PYY: variants seen among roughly 807,000 people sequenced by gnomAD.
PYY encodes the protein peptide YY.
PYY carries 12 observed loss-of-function variants against 10.3 expected under a neutral mutation model. The observed-to-expected ratio is 1.17, with a 90% CI of 0.75 to 1.89. The LOEUF is 1.89. Ranked by LOEUF, PYY falls within the 40% of genes most tolerant of loss-of-function variation. The probability of loss-of-function intolerance (pLI) is 0.00; values close to 1 mark genes in which losing one functional copy is unlikely to be tolerated. For missense variants in PYY, 141 were observed against 134.0 expected (o/e 1.05, Z -0.26); for synonymous variants, 66 against 62.0 (o/e 1.06, Z -0.30).
At chr17:43,963,623 A>AAAGAAAGAAAGAAAGG (rs1567927995) in intron 2 of PYY, among the ~76,000 whole-genome samples, 2 of 73,484 alleles carry the variant, frequency 2.7e-5, no homozygotes, top group African/African-American at 7.4e-5. Context: ...AGAAAGAAAG[A>AAAGAAAGAAAGAAAGG]AAGAGAAAGA....
chr17:43,999,914 C>G (rs408943), intron 1 of PYY, among the ~76,000 whole-genome samples: 140,783 of 152,272 alleles, frequency 0.92, 65,234 homozygotes, highest in East Asian at 1. Context: ...CTGTGCACCA[C>G]GACAGGAACT....
In PYY at chr17:43,965,878, G is replaced by A. The variant is rs1479131768; in HGVS notation, c.-218+410C>T. Among the ~76,000 whole-genome samples the A allele has an allele frequency of 2.9e-5, 4 of 138,106 alleles. No individual in the cohort carries two copies. The South Asian group carries it at 1.0e-3, about 36-fold the overall frequency. The allele number at this position is 138,106 out of a possible 152,430, so 90.6% of individuals were successfully genotyped here. On this transcript the variant is annotated intron_variant, in intron 2 of 6. Transcript: ENST00000360085. ...CCATTGTAAGTACAAAACAAAAAAT[G>A]ATTTTTTCCTGGCATTTCCTGTTTC... is the stretch of plus-strand genomic sequence containing the variant.
At position 44,000,915 on chromosome 17, in the gene PYY, C is replaced by G. The variant is rs1054834068; in HGVS notation, c.-463+3476G>C. 3.3e-5 allele frequency among the ~76,000 whole-genome samples: 5 copies of G among 152,182 alleles called. No individual in the cohort carries two copies. In the South Asian group the frequency reaches 1.0e-3, roughly 32 times the overall value. On this transcript the variant is annotated intron_variant, in intron 1 of 6. Transcript: ENST00000360085. The stretch of plus-strand genomic sequence containing the variant: ...GAGTGGATCTGTGTACCTCTGTACA[C>G]CTGTATGGTGTACAGGGGCATTCCT...
rs1555618108 is a variant in PYY, at chr17:43,975,725, A to AT, written c.-462-9194_-462-9193insA. Among the ~76,000 whole-genome samples, 24 of 83,748 alleles carry AT rather than the reference A, an allele frequency of 2.9e-4. 2 individuals carry two copies. Among genetic ancestry groups the AT allele is most frequent in the Non-Finnish European group, 3.6e-4 (18 of 50,236 alleles). The allele number at this position is 83,748 out of a possible 152,430, so 54.9% of individuals were successfully genotyped here. ...CAGGAGTAAGACCCTGAAAAAAAAA[A>AT]ATATATATATATATATATATACACA... On this transcript the variant is annotated intron_variant, in intron 1 of 6. Coordinates refer to the PYY transcript ENST00000360085.
intron 1 of PYY, among the ~76,000 whole-genome samples, chr17:43,970,131 T>G (rs2048781693): frequency 1.4e-5 from 2 of 139,154 alleles, no homozygotes; most frequent in Admixed American, 7.8e-5. Flanking sequence ...AACCCAGGAG[T>G]GTGAGGTTAC....
chr17:43,992,107 A>G lies in PYY; in HGVS notation c.-463+12284T>C, dbSNP rs573580051. Among the ~76,000 whole-genome samples the G allele has an allele frequency of 2.7e-3, 400 of 146,012 alleles. 4 individuals carry two copies. The highest frequency in any genetic ancestry group is 9.5e-3 in the African/African-American group (374 of 39,502). On this transcript the variant is annotated intron_variant, in intron 1 of 6. Transcript: ENST00000360085. The stretch of plus-strand genomic sequence containing the variant: ...TGCACTCCAGCCTGGGCAACAGTGC[A>G]AGACTCTGTCTCAAAGAAAAAAAAA...
upstream of PYY, among the ~76,000 whole-genome samples, chr17:43,958,302 T>G (rs573216586): frequency 2.6e-5 from 4 of 152,220 alleles, no homozygotes; most frequent in African/African-American, 9.6e-5. Context: ...TTTTTATTAT[T>G]ATTGAGCTCA....
intron 2 of PYY, among the ~76,000 whole-genome samples, chr17:43,963,570 A>AAGGAAAAG (rs1555617070): frequency 9.6e-6 from 1 of 104,648 alleles, no homozygotes; most frequent in Non-Finnish European, 1.9e-5. Context: ...GGAAGGAAGG[A>AAGGAAAAG]AAAGAAAGAA....
At chr17:43,970,211 A>G in intron 1 of PYY, among the ~76,000 whole-genome samples, 1 of 150,484 alleles carries the variant, frequency 6.6e-6, no homozygotes, top group African/African-American at 2.4e-5. Flanking sequence ...TAAAAAAAAA[A>G]AAAAAAAAAA....
At chr17:43,994,549 G>A (rs1018635211) in intron 1 of PYY, among the ~76,000 whole-genome samples, 1 of 152,164 alleles carries the variant, frequency 6.6e-6, no homozygotes, top group Non-Finnish European at 1.5e-5. Flanking sequence ...AAGTCAGCCC[G>A]AATCCAGTGA....
intron 1 of PYY, among the ~76,000 whole-genome samples, chr17:43,975,308 T>C (rs536664997): frequency 1.3e-5 from 2 of 152,260 alleles, no homozygotes; most frequent in South Asian, 2.1e-4. Context: ...TGAATCCCAC[T>C]CGCATTTCTT....
chr17:43,984,924 C>A (rs1364376416), intron 1 of PYY, among the ~76,000 whole-genome samples: 1 of 147,064 alleles, frequency 6.8e-6, no homozygotes, highest in Non-Finnish European at 1.5e-5. Context: ...TGTTTCTCTT[C>A]TAAAGTTGTA....
chr17:43,983,289 G>A (rs1302069946), intron 1 of PYY, among the ~76,000 whole-genome samples: 1 of 152,124 alleles, frequency 6.6e-6, no homozygotes, highest in Admixed American at 6.6e-5. Context: ...TGGAGTAGGA[G>A]ACAGGGACAA....
chr17:43,972,190 A>ATTTTATTTT (rs2048798365), intron 1 of PYY, among the ~76,000 whole-genome samples: 1 of 87,420 alleles, frequency 1.1e-5, no homozygotes, highest in South Asian at 4.1e-4. Flanking sequence ...ATTTTATTTT[A>ATTTTATTTT]TTTTATTTAT....
At chr17:43,969,750 T>C (rs1254208187) in intron 1 of PYY, among the ~76,000 whole-genome samples, 1 of 4,930 alleles carries the variant, frequency 2.0e-4, no homozygotes, top group Non-Finnish European at 2.8e-4. Context: ...CAAAAAAAAC[T>C]TTTTTTTTTT....
intron 1 of PYY, among the ~76,000 whole-genome samples, chr17:43,973,719 G>A (rs1485098046): frequency 2.6e-5 from 4 of 152,142 alleles, no homozygotes; most frequent in African/African-American, 7.2e-5. Flanking sequence ...CACTTGAACC[G>A]GGAAGGCAGA....
At chr17:43,955,707 A>G (rs1291519237), upstream of PYY, among the ~76,000 whole-genome samples, 1 of 152,178 alleles carries the variant, frequency 6.6e-6, no homozygotes, top group Non-Finnish European at 1.5e-5. Context: ...GAGCCCCAGT[A>G]TGAGCGGTTC....
chr17:43,984,163 G>T (rs1387474642), intron 1 of PYY, among the ~76,000 whole-genome samples: 1 of 152,198 alleles, frequency 6.6e-6, no homozygotes, highest in Non-Finnish European at 1.5e-5. Flanking sequence ...GTTAGGGGGG[G>T]CGCCAGCCCC....
chr17:43,980,806 C>T (rs1184284007), intron 1 of PYY, among the ~76,000 whole-genome samples: 1 of 152,044 alleles, frequency 6.6e-6, no homozygotes, highest in African/African-American at 2.4e-5. Flanking sequence ...TTCTTCTGCT[C>T]AATATTATGT....
Sources: allele counts gnomAD v4.1 joint callset (sites outside exome capture counted in the v4.1 genomes callset), GRCh38; gene constraint gnomAD v4.1.1; transcripts MANE v1.5; gene names NCBI Gene and HGNC (gene_info 2026-07-23, HGNC 2026-07-21).